GNA12: variants seen among roughly 807,000 people sequenced by gnomAD.
The protein encoded by GNA12 is G protein subunit alpha 12.
Under a neutral mutation model 26.0 loss-of-function variants are expected in GNA12, and 9 were observed. That is an observed-to-expected ratio of 0.35 (90% CI 0.21 to 0.60). GNA12 has a LOEUF of 0.60. GNA12 is among the 20% of genes least tolerant of loss of function. The probability of loss-of-function intolerance (pLI) is 0.78; values close to 1 mark genes in which losing one functional copy is unlikely to be tolerated. For missense variants in GNA12, 405 were observed against 525.8 expected (o/e 0.77, Z 2.25); for synonymous variants, 264 against 219.6 (o/e 1.20, Z -1.79).
chr7:2,769,328 A>G lies in GNA12; in HGVS notation c.525+25600T>C, dbSNP rs577381649. ...TCTGCTACTACCATCAACATTGCAG[A>G]AACCATCCTCATGCACACCACTTCT... is the stretch of plus-strand genomic sequence containing the variant. On this transcript the variant is annotated intron_variant, in intron 2 of 3. Coordinates refer to ENST00000275364, the MANE Select transcript of GNA12 (RefSeq NM_007353.3). Among the ~76,000 whole-genome samples the G allele has an allele frequency of 2.0e-5, 3 of 152,360 alleles. No individual in the cohort carries two copies. In the South Asian group the frequency reaches 6.2e-4, roughly 32 times the overall value.
chr7:2,768,691 A>AAAAAAAAAAAAAAAAAAAAAAAAAAAC (rs1562418608), intron 2 of GNA12, among the ~76,000 whole-genome samples: 1 of 142,590 alleles, frequency 7.0e-6, no homozygotes, highest in Non-Finnish European at 1.5e-5. Context: ...ACAAAACAAA[A>AAAAAAAAAAAAAAAAAAAAAAAAAAAC]AAAAAAACAG....
rs1344156434 is a variant in GNA12 at position 2,730,513 on chromosome 7, G to C, written c.*668C>G. On this transcript the variant is annotated 3_prime_UTR_variant, in exon 4 of 4. Transcript: ENST00000275364. ...TGCAGAGCTCTGCAGCCCGTCCTCA[G>C]AGCTGGGAAGGGATCCTAGGCACGG... The C allele has an allele frequency of 1.3e-5, 2 of 152,464 alleles. No homozygotes were observed. The highest frequency in any genetic ancestry group is 4.8e-5 in the African/African-American group (2 of 41,454). 9.4% of individuals were successfully genotyped at this position (152,464 alleles called of 1,614,324 possible). A position where few individuals can be genotyped will look rare whatever the true frequency, so the allele number is the denominator to read the frequency against.
chr7:2,808,675 T>G (rs1304655378), intron 1 of GNA12, among the ~76,000 whole-genome samples: 1 of 152,222 alleles, frequency 6.6e-6, no homozygotes, highest in African/African-American at 2.4e-5. Context: ...TTCCTGCTGC[T>G]CCCATGGCTC....
Position 2,730,924 on chromosome 7 carries a change from T to C in GNA12, c.*257A>G. 4.3e-6 allele frequency: 2 copies of C among 466,792 alleles called. No homozygotes were observed. Among genetic ancestry groups the C allele is most frequent in the East Asian group, 3.4e-5 (1 of 29,726 alleles). The allele number at this position is 466,792 out of a possible 1,614,324, so 28.9% of individuals were successfully genotyped here. A position where few individuals can be genotyped will look rare whatever the true frequency, so the allele number is the denominator to read the frequency against. Reference sequence around the variant, plus strand: ...GCAAAGCAAGCTGTGTGATTAGGTGTTCCGTATTCACAACATCATCACTCG... The same window carrying C: ...GCAAAGCAAGCTGTGTGATTAGGTGCTCCGTATTCACAACATCATCACTCG... On this transcript the variant is annotated 3_prime_UTR_variant, in exon 4 of 4. Coordinates refer to ENST00000275364, the MANE Select transcript of GNA12 (RefSeq NM_007353.3).
chr7:2,771,119 C>T (rs542739185), intron 2 of GNA12, among the ~76,000 whole-genome samples: 17 of 152,122 alleles, frequency 1.1e-4, no homozygotes, highest in African/African-American at 4.1e-4. Flanking sequence ...GGCGAAACCT[C>T]GTCTCTACTA....
At chr7:2,797,976 G>A (rs923160476) in intron 1 of GNA12, among the ~76,000 whole-genome samples, 2 of 152,030 alleles carry the variant, frequency 1.3e-5, no homozygotes, top group African/African-American at 4.8e-5. Flanking sequence ...TTGCAAACTA[G>A]GAACAGAGAA....
At chr7:2,747,032 T>G (rs1195016242) in intron 2 of GNA12, among the ~76,000 whole-genome samples, 2 of 152,084 alleles carry the variant, frequency 1.3e-5, no homozygotes, top group African/African-American at 4.8e-5. Context: ...AATCAATAGC[T>G]TACCAACCAA....
chr7:2,804,815 T>G (rs967859397), intron 1 of GNA12, among the ~76,000 whole-genome samples: 2 of 152,044 alleles, frequency 1.3e-5, no homozygotes, highest in African/African-American at 4.8e-5. Flanking sequence ...TCCTAGCGCT[T>G]TGGGAAGCCG....
At chr7:2,834,906 C>G (rs1182177) in intron 1 of GNA12, among the ~76,000 whole-genome samples, 4 of 151,986 alleles carry the variant, frequency 2.6e-5, no homozygotes, top group African/African-American at 9.7e-5. Context: ...CCTCACCTAA[C>G]GATGCATTTC....
intron 1 of GNA12, among the ~76,000 whole-genome samples, chr7:2,802,746 G>A (rs1330649623): frequency 1.3e-5 from 2 of 152,152 alleles, no homozygotes; most frequent in African/African-American, 4.8e-5. Context: ...TAAAAGAAAC[G>A]CTGCCAGAAG....
At chr7:2,810,901 A>AAGAG (rs1793065130) in intron 1 of GNA12, among the ~76,000 whole-genome samples, 1 of 149,790 alleles carries the variant, frequency 6.7e-6, no homozygotes, top group Non-Finnish European at 1.5e-5. Flanking sequence ...TCTGTCTTAA[A>AAGAG]AAAGAAAGAA....
intron 1 of GNA12, among the ~76,000 whole-genome samples, chr7:2,813,780 G>A (rs1218488625): frequency 6.6e-6 from 1 of 152,150 alleles, no homozygotes; most frequent in Non-Finnish European, 1.5e-5. Context: ...CAGAAGGTGT[G>A]GACCACGGAG....
intron 2 of GNA12, among the ~76,000 whole-genome samples, chr7:2,789,161 A>G (rs1484670502): frequency 6.5e-5 from 2 of 30,826 alleles, no homozygotes; most frequent in African/African-American, 9.2e-5. Flanking sequence ...TTTGAGACGG[A>G]GTCTCGCTCT....
At chr7:2,819,605 T>A (rs1793300315) in intron 1 of GNA12, among the ~76,000 whole-genome samples, 1 of 151,952 alleles carries the variant, frequency 6.6e-6, no homozygotes, top group Admixed American at 6.6e-5. Context: ...ATTAAAAAAA[T>A]GGGCAAAGGA....
chr7:2,820,574 G>C (rs1357221647), intron 1 of GNA12, among the ~76,000 whole-genome samples: 2 of 151,950 alleles, frequency 1.3e-5, no homozygotes, highest in Non-Finnish European at 2.9e-5. Context: ...AATTGAAAAA[G>C]AAAGTCCCAA....
intron 2 of GNA12, among the ~76,000 whole-genome samples, chr7:2,767,875 G>A (rs1791845870): frequency 6.6e-6 from 1 of 152,268 alleles, no homozygotes; most frequent in East Asian, 1.9e-4. Context: ...TTTAGTTTTT[G>A]AGACGGAGTC....
intron 1 of GNA12, among the ~76,000 whole-genome samples, chr7:2,842,001 T>TAGGGAGGGAGGGAGGAAGGAAGAA (rs1554264300): frequency 0.22 from 20,564 of 95,624 alleles, 1,679 homozygotes; most frequent in Middle Eastern, 0.29. Context: ...GGTAGAGAGG[T>TAGGGAGGGAGGGAGGAAGGAAGAA]AGGGAGGGAG....
At chr7:2,789,444 A>C (rs1049526403) in intron 2 of GNA12, among the ~76,000 whole-genome samples, 3 of 152,148 alleles carry the variant, frequency 2.0e-5, no homozygotes, top group Non-Finnish European at 4.4e-5. Context: ...CCCTTCAGGC[A>C]TCTTTTACAT....
chr7:2,750,880 T>C (rs561629712), intron 2 of GNA12, among the ~76,000 whole-genome samples: 1 of 152,246 alleles, frequency 6.6e-6, no homozygotes, highest in Admixed American at 6.5e-5. Context: ...AATAACTGAT[T>C]AATATGAGGG....
Sources: allele counts gnomAD v4.1 joint callset (sites outside exome capture counted in the v4.1 genomes callset), GRCh38; gene constraint gnomAD v4.1.1; transcripts MANE v1.5; gene names NCBI Gene and HGNC (gene_info 2026-07-23, HGNC 2026-07-21).